Variants in CYTH2 observed in about 807,000 individuals in gnomAD.
The protein encoded by CYTH2 is cytohesin 2, also known as cytohesin-2.
A neutral mutation model predicts 55.4 loss-of-function variants in CYTH2; 24 were observed. The observed-to-expected ratio is 0.43, with a 90% CI of 0.31 to 0.61. The LOEUF is 0.61. Ranked by LOEUF, CYTH2 falls within the 20% of genes least tolerant of loss-of-function variation. The pLI, the probability that CYTH2 is intolerant of heterozygous loss-of-function variation, is 0.08. For synonymous variants in CYTH2, 221 were observed against 209.6 expected (o/e 1.05, Z -0.47); for missense variants, 378 against 533.5 (o/e 0.71, Z 2.87).
At chr19:48,479,086 C>A in intron 11 of CYTH2, 37 bp from the exon 12 acceptor site, 1 of 1,606,724 alleles carries the variant, frequency 6.2e-7, no homozygotes, top group Non-Finnish European at 8.5e-7. Context: ...GGCCTGGACT[C>A]CTTGGCCCTC....
chr19:48,474,076 T>G lies in CYTH2; in HGVS notation c.547+59T>G. On this transcript the variant is annotated intron_variant, in intron 6 of 11. Transcript: ENST00000452733. This position sits in a 1 kb window ranked among gnomAD's most constrained non-coding sequence, Gnocchi z 4.9. ...GGAGACTGGGGCCCAGACTCCTAGG[T>G]CTGAGGGAGGGAGGGGGCTGGGAGC... 1.3e-6 allele frequency: 2 copies of G among 1,554,926 alleles called. No individual in the cohort carries two copies. Among genetic ancestry groups the G allele is most frequent in the Non-Finnish European group, 1.7e-6 (2 of 1,150,244 alleles).
At chr19:48,469,941 C>T (rs1300163255) in intron 1 of CYTH2, 2 of 554,412 alleles carry the variant, frequency 3.6e-6, no homozygotes, top group Admixed American at 2.2e-5. Context: ...TCAGTTCCCC[C>T]GGCTGTAGTG....
chr19:48,477,757 C>A, intron 8 of CYTH2: 2 of 408,182 alleles, frequency 4.9e-6, no homozygotes, highest in East Asian at 3.9e-5. Context: ...CATCACTAGA[C>A]GAGGGGAGGG....
intron 3 of CYTH2, among the ~76,000 whole-genome samples, chr19:48,472,012 C>T (rs559548861): frequency 1.3e-5 from 2 of 152,278 alleles, no homozygotes; most frequent in South Asian, 2.1e-4. Flanking sequence ...GCTGTGATCA[C>T]GCCACTGCAC....
Position 48,479,347 on chromosome 19 carries a change from TA to T in CYTH2, c.*139del, listed in dbSNP as rs1248471640. 4.0e-6 allele frequency: 3 copies of T among 755,500 alleles called. No individual in the cohort carries two copies. Among genetic ancestry groups the T allele is most frequent in the Non-Finnish European group, 6.6e-6 (3 of 456,764 alleles). 46.8% of individuals were successfully genotyped at this position (755,500 alleles called of 1,614,324 possible). On this transcript the variant is annotated 3_prime_UTR_variant, in exon 12 of 12. Transcript: ENST00000452733. Reference sequence around the variant, plus strand: ...CTAGCTCCTCACTGTTCTTTGTAATTAACACGCTGTTGGTAATCTTATTAAT... The same window carrying T: ...CTAGCTCCTCACTGTTCTTTGTAATTACACGCTGTTGGTAATCTTATTAAT...
intron 8 of CYTH2, 140 bp downstream of exon 8, chr19:48,475,089 C>A (rs1208864125): frequency 1.4e-6 from 1 of 706,310 alleles, no homozygotes; most frequent in Non-Finnish European, 2.3e-6. Flanking sequence ...TTTCCACACC[C>A]AAAAAATGGG....
chr19:48,478,188 G>C (rs1245787916), intron 9 of CYTH2, 43 bp downstream of exon 9: 1 of 1,612,772 alleles, frequency 6.2e-7, no homozygotes, highest in East Asian at 2.2e-5. Flanking sequence ...TGGGCGGAGT[G>C]GCTGGGAGCC....
chr19:48,477,644 TGGG>T (rs1276885996), intron 8 of CYTH2: 1 of 187,592 alleles, frequency 5.3e-6, no homozygotes, highest in African/African-American at 2.3e-5. Context: ...CTGCGGCTCT[TGGG>T]GGTGCTCCAT....
At position 48,474,346 on chromosome 19, in the gene CYTH2, C is replaced by G; in HGVS notation, c.696+16C>G. The G allele has an allele frequency of 6.4e-7, 1 of 1,572,754 alleles. No individual in the cohort carries two copies. The highest frequency in any genetic ancestry group is 8.6e-7 in the Non-Finnish European group (1 of 1,159,598). ...GCTGCTCAGGGTCAGTCCCCCTTCC[C>G]TGCCCCTCAGCCCTGCCCCTCTTCC... On this transcript the variant is annotated intron_variant, in intron 7 of 11. Transcript: ENST00000452733. The surrounding 1 kb of genome is among the most constrained non-coding windows in gnomAD (Gnocchi z 4.9).
At chr19:48,472,516 G>A in intron 4 of CYTH2, 73 bp downstream of exon 4, 1 of 1,254,842 alleles carries the variant, frequency 8.0e-7, no homozygotes, top group Non-Finnish European at 1.1e-6. Flanking sequence ...CCTCACACTG[G>A]CAGCTCACAG....
At chr19:48,475,217 TGAG>T (rs1264241793) in intron 8 of CYTH2, 8 of 440,398 alleles carry the variant, frequency 1.8e-5, no homozygotes, top group Middle Eastern at 5.9e-4. Context: ...TGAGCTGGGC[TGAG>T]GAGGCAGTGA....
Position 48,474,335 on chromosome 19 carries a change from GT to G in CYTH2, c.696+6del. ...CTGCCTGAGGAGCTGCTCAGGGTCA[GT>G]CCCCCTTCCCTGCCCCTCAGCCCTG... On this transcript the variant is annotated splice_donor_region_variant and intron_variant, in intron 7 of 11. Coordinates refer to ENST00000452733, the MANE Select transcript of CYTH2 (RefSeq NM_004228.7). This position sits in a 1 kb window ranked among gnomAD's most constrained non-coding sequence, Gnocchi z 4.9. 6.3e-7 allele frequency: 1 copy of G among 1,584,548 alleles called. No individual in the cohort carries two copies. The highest frequency in any genetic ancestry group is 2.2e-5 in the East Asian group (1 of 44,598).
At chr19:48,469,656 G>C in intron 1 of CYTH2, 130 bp downstream of exon 1, 2 of 1,321,358 alleles carry the variant, frequency 1.5e-6, no homozygotes, top group Non-Finnish European at 1.0e-6. Flanking sequence ...TTGTCGCGCC[G>C]CTTTTGTTGG....
chr19:48,479,521 G>A lies in CYTH2; in HGVS notation c.*311G>A. 2.7e-6 allele frequency: 1 copy of A among 375,218 alleles called. No homozygotes were observed. Among genetic ancestry groups the A allele is most frequent in the South Asian group, 3.7e-5 (1 of 26,812 alleles). The allele number at this position is 375,218 out of a possible 1,614,324, so 23.2% of individuals were successfully genotyped here. A position where few individuals can be genotyped will look rare whatever the true frequency, so the allele number is the denominator to read the frequency against. On this transcript the variant is annotated 3_prime_UTR_variant, in exon 12 of 12. Transcript: ENST00000452733. ...GGGCTGTCCCGGTGGGTCTGTTCTG[G>A]TTTCACCCCGAGCCCAGCAGGAGTG...
At chr19:48,476,692 A>G (rs1473346936) in intron 8 of CYTH2, 8 of 152,186 alleles carry the variant, frequency 5.3e-5, no homozygotes, top group African/African-American at 1.9e-4. Context: ...CCTGGCCAAC[A>G]TGGTGAAACC....
rs1221014397 is a variant in CYTH2 at position 48,469,374 on chromosome 19, TGAG to T, written c.-131_-129del. 1.9e-6 allele frequency: 2 copies of T among 1,035,866 alleles called. No homozygotes were observed. Among genetic ancestry groups the T allele is most frequent in the African/African-American group, 3.4e-5 (2 of 58,978 alleles). The allele number at this position is 1,035,866 out of a possible 1,614,324, so 64.2% of individuals were successfully genotyped here. ...ACGAAGGGAAGAGTCTTTTCAGCGCTGAGGACTGGCGCTGAGGAGGCGGCGGTG... is the reference window on the plus strand; with the variant it reads ...ACGAAGGGAAGAGTCTTTTCAGCGCTGACTGGCGCTGAGGAGGCGGCGGTG... On this transcript the variant is annotated 5_prime_UTR_variant, in exon 1 of 12. Transcript: ENST00000452733.
chr19:48,479,378 T>A lies in CYTH2; in HGVS notation c.*168T>A. 3.0e-6 allele frequency: 2 copies of A among 660,806 alleles called. No homozygotes were observed. Among genetic ancestry groups the A allele is most frequent in the Non-Finnish European group, 5.1e-6 (2 of 390,198 alleles). 40.9% of individuals were successfully genotyped at this position (660,806 alleles called of 1,614,324 possible). A position where few individuals can be genotyped will look rare whatever the true frequency, so the allele number is the denominator to read the frequency against. On this transcript the variant is annotated 3_prime_UTR_variant, in exon 12 of 12. Transcript: ENST00000452733. ...GCTGTTGGTAATCTTATTAATTATT[T>A]AACCACTTGGCCTGCTGACCCCCTC...
chr19:48,472,814 C>A, intron 4 of CYTH2: 1 of 365,270 alleles, frequency 2.7e-6, no homozygotes, highest in Non-Finnish European at 5.3e-6. Flanking sequence ...GACCGCTGGG[C>A]CCTTGTGGGA....
intron 3 of CYTH2, among the ~76,000 whole-genome samples, chr19:48,472,040 C>G (rs1035284946): frequency 1.3e-5 from 2 of 152,096 alleles, no homozygotes; most frequent in Admixed American, 6.6e-5. Context: ...TGCAATAGAG[C>G]GAGACCAGGT....
Sources: gnomAD v4.1 joint callset for allele counts (sites outside exome capture counted in the v4.1 genomes callset) on GRCh38, gnomAD v4.1.1 for gene constraint, Gnocchi (gnomAD v3.1) non-coding constraint, MANE v1.5 for transcripts, NCBI Gene and HGNC (gene_info 2026-07-23, HGNC 2026-07-21) for gene names.